The following C6 variants were observed in gnomAD, a reference collection of about 807,000 sequenced individuals.
The protein encoded by C6 is complement component C6.
In C6, 101 loss-of-function variants were observed where a neutral mutation model predicts 112.9. The observed-to-expected ratio is 0.89, with a 90% CI of 0.76 to 1.06. The LOEUF (loss-of-function observed/expected upper bound fraction) is 1.06, where lower values mean the gene tolerates loss of function less well. Among genes scored for constraint, C6 ranks in the 50% least tolerant of loss-of-function variants. The pLI, the probability that C6 is intolerant of heterozygous loss-of-function variation, is 0.00. For missense variants in C6, 1,202 were observed against 1,104.6 expected, an observed-to-expected ratio of 1.09 and a Z score of -1.25; for synonymous variants, 431 against 384.1, an observed-to-expected ratio of 1.12 and a Z score of -1.43.
chr5:41,199,817 G>A lies in C6; in HGVS notation c.396C>T (p.Leu132=). ...TGCAGTCAGCCTCTTCAATTTTGCA[G>A]AGCTTAGATGGAATGCATGGTTGAA... ...VAFQPCIPSK[L]CKIEEADCKN... The change falls in exon 4 of 18, where the codon CTC becomes CTT. Residue 132 remains leucine, a synonymous_variant. Coordinates refer to ENST00000337836, the MANE Select transcript of C6 (RefSeq NM_000065.5). 1 of 1,613,784 alleles carries A rather than the reference G, an allele frequency of 6.2e-7. No homozygotes were observed. The highest frequency in any genetic ancestry group is 1.7e-4 in the Middle Eastern group (1 of 6,054).
At chr5:41,244,703 A>C (rs1308465069) in intron 1 of C6, among the ~76,000 whole-genome samples, 2 of 136,622 alleles carry the variant, frequency 1.5e-5, no homozygotes, top group East Asian at 4.0e-4. Flanking sequence ...CAAGGTATTA[A>C]AAGTCAAACA....
chr5:41,247,673 G>A (rs551198892), intron 1 of C6, among the ~76,000 whole-genome samples: 12 of 149,254 alleles, frequency 8.0e-5, no homozygotes, highest in Admixed American at 6.0e-4. Context: ...AGCCGAGATC[G>A]CGCCACTGCA....
chr5:41,217,555 C>T (rs1580215011), upstream of C6, among the ~76,000 whole-genome samples: 1 of 152,096 alleles, frequency 6.6e-6, no homozygotes, highest in Non-Finnish European at 1.5e-5. Flanking sequence ...GCAAAATGCT[C>T]CAAGAATTGC....
At chr5:41,185,640 C>A (rs942384103) in intron 6 of C6, among the ~76,000 whole-genome samples, 2 of 152,058 alleles carry the variant, frequency 1.3e-5, no homozygotes, top group African/African-American at 4.8e-5. Context: ...ACTGACTCAT[C>A]ATGATTTTTC....
chr5:41,248,556 A>G (rs569748732), intron 1 of C6, among the ~76,000 whole-genome samples: 3 of 152,374 alleles, frequency 2.0e-5, no homozygotes, highest in African/African-American at 7.2e-5. Context: ...CAAGTGGCCA[A>G]CAAACTTATG....
intron 3 of C6, 125 bp downstream of exon 3, chr5:41,201,433 G>A (rs1751022113): frequency 7.3e-6 from 7 of 955,600 alleles, no homozygotes; most frequent in Non-Finnish European, 9.8e-6. Context: ...TTCCCTCAAT[G>A]GAAGCTGAGA....
intron 7 of C6, among the ~76,000 whole-genome samples, chr5:41,180,653 A>G (rs954174098): frequency 6.6e-6 from 1 of 152,192 alleles, no homozygotes; most frequent in African/African-American, 2.4e-5. Context: ...TGCTCTGAAT[A>G]TGATTGTTCT....
chr5:41,251,350 T>C (rs552511752), intron 1 of C6, among the ~76,000 whole-genome samples: 4 of 152,086 alleles, frequency 2.6e-5, no homozygotes, highest in Non-Finnish European at 5.9e-5. Flanking sequence ...CAGAACCATA[T>C]ATATATATAT....
chr5:41,160,208 G>C lies in C6; in HGVS notation c.1618C>G (p.Leu540Val), dbSNP rs190268323. ...TAGGTGCCACTCTGACACACACACA[G>C]ACATTCAGTCCCTGAGAGGGTGGGT... ...GRPTLSGTECLCVCQSGTYGE... is the reference protein window; with the variant it reads ...GRPTLSGTECVCVCQSGTYGE... Residue 540 changes from leucine to valine, a missense_variant, in exon 11 of 18, where the codon CTG (leucine) becomes GTG (valine). Transcript: ENST00000337836. The C allele has an allele frequency of 4.2e-5, 67 of 1,613,902 alleles. No homozygotes were observed. The East Asian group carries it at 1.4e-3, about 34-fold the overall frequency.
Position 41,172,329 on chromosome 5 carries a change from G to A in C6, c.1187C>T (p.Ala396Val). The A allele has an allele frequency of 6.2e-7, 1 of 1,613,574 alleles. No homozygotes were observed. Among genetic ancestry groups the A allele is most frequent in the South Asian group, 1.1e-5 (1 of 91,082 alleles). The change falls in exon 9 of 18, where the codon GCC (alanine) becomes GTC (valine). Residue 396 changes from alanine (A) to valine (V), a missense_variant. Physicochemically the swap from Ala to Val is moderately conservative, Grantham distance 64. Transcript: ENST00000337836. ...LKNSGLTEEE[A>V]KHCVRIETKK... ...TGTTTCAATCCTGACACAGTGTTTG[G>A]CTTCTTCCTCGGTTAAACCTAGGAG... is the stretch of plus-strand genomic sequence containing the variant.
At chr5:41,227,704 C>T (rs1455290273) in intron 1 of C6, among the ~76,000 whole-genome samples, 9 of 151,460 alleles carry the variant, frequency 5.9e-5, no homozygotes, top group African/African-American at 2.0e-4. Context: ...TCCATCTTTT[C>T]CAACACTACT....
intron 17 of C6, among the ~76,000 whole-genome samples, chr5:41,144,555 C>A (rs532026295): frequency 6.6e-6 from 1 of 152,340 alleles, no homozygotes; most frequent in South Asian, 2.1e-4. Context: ...GCGTGGACCA[C>A]AATGTCTGAC....
chr5:41,250,261 C>T (rs757157844), intron 1 of C6, among the ~76,000 whole-genome samples: 3 of 152,202 alleles, frequency 2.0e-5, no homozygotes, highest in Non-Finnish European at 4.4e-5. Context: ...AATAGTGGCA[C>T]CAAACTCTGC....
intron 5 of C6, among the ~76,000 whole-genome samples, chr5:41,193,032 G>A (rs1750338218): frequency 6.6e-6 from 1 of 152,148 alleles, no homozygotes; most frequent in Non-Finnish European, 1.5e-5. Context: ...GAATTGTATG[G>A]CATGCAAATT....
At chr5:41,246,284 C>T (rs992099752) in intron 1 of C6, among the ~76,000 whole-genome samples, 1 of 152,128 alleles carries the variant, frequency 6.6e-6, no homozygotes, top group African/African-American at 2.4e-5. Context: ...GCTTGTAAAT[C>T]AACAGATGCC....
intron 5 of C6, among the ~76,000 whole-genome samples, chr5:41,186,831 C>T (rs1328877362): frequency 2.0e-5 from 3 of 151,844 alleles, no homozygotes; most frequent in Admixed American, 6.6e-5. Flanking sequence ...AATTATTATA[C>T]CTGTTTTACA....
intron 1 of C6, among the ~76,000 whole-genome samples, chr5:41,246,589 G>A (rs1741033781): frequency 6.6e-6 from 1 of 152,306 alleles, no homozygotes; most frequent in South Asian, 2.1e-4. Context: ...TTGGGCCAGG[G>A]TGCATCTAAC....
At chr5:41,201,397 C>T (rs1356746430) in intron 3 of C6, among the ~76,000 whole-genome samples, 161 bp downstream of exon 3, 1 of 152,094 alleles carries the variant, frequency 6.6e-6, no homozygotes, top group Non-Finnish European at 1.5e-5. Flanking sequence ...CCCCCTCTTC[C>T]CCCCACAAAA....
At chr5:41,195,208 G>A (rs942608121) in intron 5 of C6, among the ~76,000 whole-genome samples, 6 of 152,064 alleles carry the variant, frequency 3.9e-5, no homozygotes, top group African/African-American at 1.4e-4. Context: ...ACTCTCTTAC[G>A]TTTTCACACC....
Sources: allele counts gnomAD v4.1 joint callset (sites outside exome capture counted in the v4.1 genomes callset), GRCh38; gene constraint gnomAD v4.1.1; transcripts MANE v1.5; gene names NCBI Gene and HGNC (gene_info 2026-07-23, HGNC 2026-07-21).